Variants in SMIM30 observed in about 807,000 individuals in gnomAD.
SMIM30 encodes the protein small integral membrane protein 30, also known as long intergenic non-protein coding RNA 998.
For synonymous variants in SMIM30, 19 were observed against 11.5 expected (o/e 1.65, Z -1.31); for missense variants, 43 against 27.6 (o/e 1.56, Z -1.25).
At chr7:113,117,929 C>G (rs1262074690) in intron 2 of SMIM30, 139 bp downstream of exon 2, 23 of 358,350 alleles carry the variant, frequency 6.4e-5, no homozygotes, top group Non-Finnish European at 1.0e-4. Context: ...GAGCCACTAA[C>G]TTGGAAACTT....
At chr7:113,118,306 G>C in intron 1 of SMIM30, 145 bp from the exon 2 acceptor site, 1 of 425,696 alleles carries the variant, frequency 2.3e-6, no homozygotes, top group South Asian at 1.7e-5. Context: ...GTAATGAGTT[G>C]AGAAAAGTCT....
At chr7:113,118,256 A>C in intron 1 of SMIM30, 95 bp from the exon 2 acceptor site, 2 of 419,760 alleles carry the variant, frequency 4.8e-6, no homozygotes, top group Non-Finnish European at 9.4e-6. Flanking sequence ...AGCTAGAGTC[A>C]GTGCAGAGCG....
Position 113,118,035 on chromosome 7 carries a change from T to C in SMIM30, c.-30+33A>G, listed in dbSNP as rs756990700. On this transcript the variant is annotated intron_variant, in intron 2 of 2. Coordinates refer to ENST00000397764, the MANE Select transcript of SMIM30 (RefSeq NM_001352688.2). ...TGGCAAAAGTCACACAACATATAAC[T>C]CTGCGAAGTTGTGGGGAATTAATAA... The C allele has an allele frequency of 5.4e-5, 24 of 445,086 alleles. No individual in the cohort carries two copies. In the East Asian group the frequency reaches 1.7e-3, roughly 32 times the overall value. 27.6% of individuals were successfully genotyped at this position (445,086 alleles called of 1,614,324 possible).
At position 113,118,359 on chromosome 7, in the gene SMIM30, C is replaced by T. The variant is rs1584574051; in HGVS notation, c.-124+169G>A. 3 of 451,344 alleles carry T rather than the reference C, an allele frequency of 6.6e-6. No homozygotes were observed. The East Asian group carries it at 2.1e-4, about 31-fold the overall frequency. The allele number at this position is 451,344 out of a possible 1,614,324, so 28.0% of individuals were successfully genotyped here. A position where few individuals can be genotyped will look rare whatever the true frequency, so the allele number is the denominator to read the frequency against. On this transcript the variant is annotated intron_variant, in intron 1 of 2. Transcript: ENST00000397764. ...ACTTAAAAGTTGGTCAGTTCACCCACACAAGAAAAGGTAAAAAGAAACAGA... is the reference window on the plus strand; with the variant it reads ...ACTTAAAAGTTGGTCAGTTCACCCATACAAGAAAAGGTAAAAAGAAACAGA...
rs1248071531 is a variant in SMIM30 at position 113,117,048 on chromosome 7, G to C, written c.*351C>G. 4.0e-6 allele frequency: 1 copy of C among 252,210 alleles called. No homozygotes were observed. The highest frequency in any genetic ancestry group is 2.2e-5 in the African/African-American group (1 of 44,868). 15.6% of individuals were successfully genotyped at this position (252,210 alleles called of 1,614,324 possible). A position where few individuals can be genotyped will look rare whatever the true frequency, so the allele number is the denominator to read the frequency against. On this transcript the variant is annotated 3_prime_UTR_variant, in exon 3 of 3. Transcript: ENST00000397764. ...AGGAGGCAGTGATTATAACCGAACA[G>C]TGGTGATTTCCTAAGATTCTGGGCA...
In SMIM30 at chr7:113,116,880, G is replaced by C. The variant is rs1794687833; in HGVS notation, c.*519C>G. On this transcript the variant is annotated 3_prime_UTR_variant, in exon 3 of 3. Transcript: ENST00000397764. ...AATTTTTTTCCGCATTTCAGTATTA[G>C]ATACACTGAATACATTTTTCTAAAT... 1 of 153,068 alleles carries C rather than the reference G, an allele frequency of 6.5e-6. No individual in the cohort carries two copies. Among genetic ancestry groups the C allele is most frequent in the African/African-American group, 2.4e-5 (1 of 41,130 alleles). The allele number at this position is 153,068 out of a possible 1,614,324, so 9.5% of individuals were successfully genotyped here.
At chr7:113,118,000 C>T in intron 2 of SMIM30, 68 bp downstream of exon 2, 1 of 398,576 alleles carries the variant, frequency 2.5e-6, no homozygotes, top group Middle Eastern at 8.4e-4. Flanking sequence ...CCAAGAAATG[C>T]AGACAAATTT....
At chr7:113,117,808 T>G (rs934711542) in intron 2 of SMIM30, 35 of 531,380 alleles carry the variant, frequency 6.6e-5, no homozygotes, top group Non-Finnish European at 1.1e-4. Flanking sequence ...CCCTATCTCG[T>G]GATAACACTC....
chr7:113,117,977 G>A, intron 2 of SMIM30, 91 bp downstream of exon 2: 1 of 362,678 alleles, frequency 2.8e-6, no homozygotes, highest in Non-Finnish European at 5.3e-6. Context: ...CATTTTCTTA[G>A]GGTCTCTCCC....
rs1365254432 is a variant in SMIM30 at position 113,117,453 on chromosome 7, T to C, written c.126A>G (p.Thr42=). The change falls in exon 3 of 3, where the codon ACA becomes ACG. Residue 42 remains threonine (T), a synonymous_variant. Transcript: ENST00000397764. ...ATACCCCCAAGCAGGCACAAATGCC[T>C]GTAATGCTGAGAACCACACCTAACA... is the stretch of plus-strand genomic sequence containing the variant. ...ALLLGVVLSI[T]GICACLGVYA... The C allele has an allele frequency of 4.3e-6, 3 of 702,874 alleles. No individual in the cohort carries two copies. The African/African-American group carries it at 5.2e-5, about 12-fold the overall frequency. The allele number at this position is 702,874 out of a possible 1,614,324, so 43.5% of individuals were successfully genotyped here.
chr7:113,118,212 T>A, intron 1 of SMIM30, 51 bp from the exon 2 acceptor site: 1 of 430,182 alleles, frequency 2.3e-6, no homozygotes, highest in Middle Eastern at 4.8e-4. Flanking sequence ...GATTTAAAAA[T>A]TAATTATTAT....
intron 1 of SMIM30, 122 bp from the exon 2 acceptor site, chr7:113,118,283 G>A: frequency 2.4e-6 from 1 of 420,530 alleles, no homozygotes; most frequent in Non-Finnish European, 4.7e-6. Context: ...CCATATGGAC[G>A]GTAGGGGGAT....
chr7:113,117,844 T>C, intron 2 of SMIM30: 1 of 476,048 alleles, frequency 2.1e-6, no homozygotes, highest in South Asian at 2.1e-5. Context: ...TCCACGATAA[T>C]GCCAACACCT....
Position 113,117,514 on chromosome 7 carries a change from A to G in SMIM30, c.65T>C (p.Val22Ala). 1 of 702,884 alleles carries G rather than the reference A, an allele frequency of 1.4e-6. No homozygotes were observed. The highest frequency in any genetic ancestry group is 2.6e-6 in the Non-Finnish European group (1 of 384,898). 43.5% of individuals were successfully genotyped at this position (702,884 alleles called of 1,614,324 possible). A position where few individuals can be genotyped will look rare whatever the true frequency, so the allele number is the denominator to read the frequency against. The change falls in exon 3 of 3, where the codon GTG becomes GCG. Residue 22 changes from valine (V) to alanine (A), a missense_variant. By Grantham distance (64) the Val-to-Ala change is moderately conservative. Coordinates refer to ENST00000397764, the MANE Select transcript of SMIM30 (RefSeq NM_001352688.2). ...LMSLLLVLPV[V>A]EAVEAGDAIA... is the part of the protein sequence containing the mutation. ...TGCATCACCGGCTTCTACTGCTTCC[A>G]CAACAGGCAGCACCAAAAGCAGTGA... is the stretch of plus-strand genomic sequence containing the variant.
Position 113,117,353 on chromosome 7 carries a change from C to T in SMIM30, c.*46G>A, listed in dbSNP as rs1379428539. On this transcript the variant is annotated 3_prime_UTR_variant, in exon 3 of 3. Coordinates refer to ENST00000397764, the MANE Select transcript of SMIM30 (RefSeq NM_001352688.2). ...CAAATCTCAGGTTTAGCCTCTAAAG[C>T]GCAAAGGTTTTCAGGGTGAGGTTTG... is the stretch of plus-strand genomic sequence containing the variant. 1.9e-5 allele frequency: 13 copies of T among 701,202 alleles called. No individual in the cohort carries two copies. Among genetic ancestry groups the T allele is most frequent in the Admixed American group, 1.6e-4 (8 of 49,930 alleles). The allele number at this position is 701,202 out of a possible 1,614,324, so 43.4% of individuals were successfully genotyped here.
intron 2 of SMIM30, 36 bp from the exon 3 acceptor site, chr7:113,117,643 A>G (rs763775265): frequency 1.4e-6 from 1 of 698,846 alleles, no homozygotes; most frequent in South Asian, 1.5e-5. Context: ...AGGAACCATT[A>G]AAAATTCCTC....
rs547656132 is a variant in SMIM30, at chr7:113,117,293, C to T, written c.*106G>A. The T allele has an allele frequency of 1.0e-4, 64 of 628,498 alleles. No homozygotes were observed. In the South Asian group the frequency reaches 1.1e-3, roughly 11 times the overall value. 38.9% of individuals were successfully genotyped at this position (628,498 alleles called of 1,614,324 possible). A position where few individuals can be genotyped will look rare whatever the true frequency, so the allele number is the denominator to read the frequency against. On this transcript the variant is annotated 3_prime_UTR_variant, in exon 3 of 3. Coordinates refer to ENST00000397764, the MANE Select transcript of SMIM30 (RefSeq NM_001352688.2). ...TGGAAACAATGAAAAATGTGAAACT[C>T]CCTTATTTACTGATTCTTGGAACCT...
intron 1 of SMIM30, 130 bp from the exon 2 acceptor site, chr7:113,118,291 G>A (rs1421278400): frequency 7.1e-6 from 3 of 421,670 alleles, no homozygotes; most frequent in African/African-American, 6.2e-5. Context: ...ACGGTAGGGG[G>A]ATAGGTAATG....
chr7:113,117,581 T>A lies in SMIM30; in HGVS notation c.-3A>T, dbSNP rs1183559204. On this transcript the variant is annotated 5_prime_UTR_variant, in exon 3 of 3. Transcript: ENST00000397764. The stretch of plus-strand genomic sequence containing the variant: ...AACTGTGTTGAAACTGAGGTCATGA[T>A]GTTGGAATCTTGAGGGCTGAAGGTT... 1.4e-6 allele frequency: 1 copy of A among 702,892 alleles called. No individual in the cohort carries two copies. The highest frequency in any genetic ancestry group is 1.7e-5 in the African/African-American group (1 of 57,258). 43.5% of individuals were successfully genotyped at this position (702,892 alleles called of 1,614,324 possible). A position where few individuals can be genotyped will look rare whatever the true frequency, so the allele number is the denominator to read the frequency against.
Sources: gnomAD v4.1 joint callset for allele counts on GRCh38, gnomAD v4.1.1 for gene constraint, MANE v1.5 for transcripts, NCBI Gene and HGNC (gene_info 2026-07-23, HGNC 2026-07-21) for gene names.